The following RALYL variants were observed in gnomAD, a reference collection of about 807,000 sequenced individuals.
RALYL encodes RNA-binding Raly-like protein.
RALYL carries 29 observed loss-of-function variants against 35.1 expected under a neutral mutation model. That is an observed-to-expected ratio of 0.83 (90% CI 0.61 to 1.13). The LOEUF is 1.13. RALYL is among the 50% of genes most tolerant of loss of function. The pLI, the probability that RALYL is intolerant of heterozygous loss-of-function variation, is 0.00. For missense variants in RALYL, 359 were observed against 360.4 expected, an observed-to-expected ratio of 1.00 and a Z score of 0.03; for synonymous variants, 120 against 127.6, an observed-to-expected ratio of 0.94 and a Z score of 0.40.
chr8:84,819,211 C>T (rs531984122), intron 4 of RALYL, among the ~76,000 whole-genome samples: 4 of 152,138 alleles, frequency 2.6e-5, no homozygotes, highest in African/African-American at 4.8e-5. Flanking sequence ...TTTTTTTCCC[C>T]AAAGCCCTCC....
chr8:84,786,366 A>G (rs1276896807), intron 3 of RALYL, among the ~76,000 whole-genome samples: 1 of 152,168 alleles, frequency 6.6e-6, no homozygotes, highest in African/African-American at 2.4e-5. Flanking sequence ...GCTGGGTCAA[A>G]TAGTATTTCT....
chr8:84,552,835 A>G (rs2060841294), intron 2 of RALYL, among the ~76,000 whole-genome samples: 1 of 151,992 alleles, frequency 6.6e-6, no homozygotes, highest in African/African-American at 2.4e-5. Flanking sequence ...AAATTTTTAT[A>G]GTAAGTAGCA....
chr8:84,500,433 G>A (rs938120793), intron 1 of RALYL, among the ~76,000 whole-genome samples: 2 of 152,214 alleles, frequency 1.3e-5, no homozygotes, highest in East Asian at 1.9e-4. Context: ...ACCTTACGCA[G>A]TAGCTCTTGA....
At chr8:84,567,279 A>C (rs1208480621) in intron 2 of RALYL, among the ~76,000 whole-genome samples, 3 of 151,828 alleles carry the variant, frequency 2.0e-5, no homozygotes, top group Admixed American at 6.6e-5. Context: ...GGTATATTGC[A>C]TAATGATGGG....
chr8:84,354,498 C>T lies in RALYL; in HGVS notation c.-24+170074C>T, dbSNP rs192584621. Reference sequence around the variant, plus strand: ...TCAGATCCTTCAAGACAACTCTCCACAGCTCTATTTCCCTGATTTCTCCTC... The same window carrying T: ...TCAGATCCTTCAAGACAACTCTCCATAGCTCTATTTCCCTGATTTCTCCTC... On this transcript the variant is annotated intron_variant, in intron 1 of 8. Transcript: ENST00000521268. Among the ~76,000 whole-genome samples, 17 of 150,506 alleles carry T rather than the reference C, an allele frequency of 1.1e-4. 2 individuals are homozygous for T. The highest frequency in any genetic ancestry group is 4.2e-4 in the African/African-American group (17 of 40,524).
chr8:84,821,532 T>C (rs1002264339), intron 4 of RALYL, among the ~76,000 whole-genome samples: 1 of 152,230 alleles, frequency 6.6e-6, no homozygotes, highest in East Asian at 1.9e-4. Context: ...TTTAGAGCTA[T>C]TGTGAATCCC....
At chr8:84,818,337 T>C (rs1827814262) in intron 4 of RALYL, among the ~76,000 whole-genome samples, 1 of 152,222 alleles carries the variant, frequency 6.6e-6, no homozygotes, top group Non-Finnish European at 1.5e-5. Context: ...AAATGATAGC[T>C]GTCTATCAAG....
intron 4 of RALYL, among the ~76,000 whole-genome samples, chr8:84,808,867 C>CTT (rs1825278034): frequency 1.3e-5 from 2 of 152,174 alleles, no homozygotes; most frequent in African/African-American, 4.8e-5. Flanking sequence ...TACCCAGAAA[C>CTT]TTTGCTGAAT....
chr8:84,360,398 C>A (rs1852741176), intron 1 of RALYL, among the ~76,000 whole-genome samples: 1 of 152,164 alleles, frequency 6.6e-6, no homozygotes, highest in Admixed American at 6.6e-5. Flanking sequence ...GATGTATCCA[C>A]TTACAAACTT....
intron 2 of RALYL, among the ~76,000 whole-genome samples, chr8:84,703,193 G>A (rs893007466): frequency 1.3e-5 from 2 of 152,036 alleles, no homozygotes; most frequent in African/African-American, 2.4e-5. Flanking sequence ...AAGTTGGCTT[G>A]TATTCACCGG....
chr8:84,486,974 T>A (rs1297493449), intron 1 of RALYL, among the ~76,000 whole-genome samples: 1 of 152,036 alleles, frequency 6.6e-6, no homozygotes, highest in Non-Finnish European at 1.5e-5. Flanking sequence ...GTTGCTGACC[T>A]GATCTACTGT....
intron 1 of RALYL, among the ~76,000 whole-genome samples, chr8:84,441,972 A>G (rs894495478): frequency 6.6e-6 from 1 of 152,124 alleles, no homozygotes; most frequent in Non-Finnish European, 1.5e-5. Context: ...TCCCTTGTTC[A>G]CATCATAAAA....
intron 1 of RALYL, among the ~76,000 whole-genome samples, chr8:84,220,617 AC>A (rs1267675551): frequency 6.6e-6 from 1 of 152,042 alleles, no homozygotes; most frequent in African/African-American, 2.4e-5. Flanking sequence ...ATTTTTATGT[AC>A]ATATAATAAC....
chr8:84,322,920 G>T (rs1845129670), intron 1 of RALYL, among the ~76,000 whole-genome samples: 2 of 152,080 alleles, frequency 1.3e-5, no homozygotes, highest in African/African-American at 4.8e-5. Context: ...AAATATGTAT[G>T]TGAAAAGACT....
chr8:84,676,892 T>C (rs1423969414), intron 2 of RALYL, among the ~76,000 whole-genome samples: 1 of 152,108 alleles, frequency 6.6e-6, no homozygotes, highest in Admixed American at 6.6e-5. Context: ...AACCTCTGCC[T>C]CCCGGGTTCA....
At chr8:84,326,963 G>C (rs1445590356) in intron 1 of RALYL, among the ~76,000 whole-genome samples, 2 of 152,156 alleles carry the variant, frequency 1.3e-5, no homozygotes, top group African/African-American at 4.8e-5. Flanking sequence ...AATGGAGAAT[G>C]GGGGGCAACT....
chr8:84,887,449 G>GA (rs1843082136), intron 7 of RALYL, among the ~76,000 whole-genome samples, 155 bp from the exon 8 acceptor site: 1 of 152,140 alleles, frequency 6.6e-6, no homozygotes, highest in Non-Finnish European at 1.5e-5. Flanking sequence ...TTACATGATT[G>GA]AAAAAATTCA....
intron 1 of RALYL, among the ~76,000 whole-genome samples, chr8:84,225,129 TTC>T (rs761386446): frequency 2.6e-5 from 4 of 152,192 alleles, no homozygotes; most frequent in Non-Finnish European, 5.9e-5. Context: ...TTATCCTTAA[TTC>T]TTCTCTTTGC....
At chr8:84,257,591 C>T (rs1163174962) in intron 1 of RALYL, among the ~76,000 whole-genome samples, 1 of 152,104 alleles carries the variant, frequency 6.6e-6, no homozygotes, top group Non-Finnish European at 1.5e-5. Flanking sequence ...GAGATATTAA[C>T]ATATGCCTTC....
Sources: allele counts gnomAD v4.1 joint callset (sites outside exome capture counted in the v4.1 genomes callset), GRCh38; gene constraint gnomAD v4.1.1; transcripts MANE v1.5; gene names NCBI Gene and HGNC (gene_info 2026-07-23, HGNC 2026-07-21).